Variants in PLEKHA7 observed in about 807,000 individuals in gnomAD.
PLEKHA7 encodes the protein pleckstrin homology domain containing A7, also known as pleckstrin homology domain-containing family A member 7.
In PLEKHA7, 104 loss-of-function variants were observed where a neutral mutation model predicts 170.0. That is an observed-to-expected ratio of 0.61 (90% confidence interval 0.52 to 0.72). The LOEUF (loss-of-function observed/expected upper bound fraction) is 0.72, where lower values mean the gene tolerates loss of function less well. Among genes scored for constraint, PLEKHA7 ranks in the 30% least tolerant of loss-of-function variants. The probability of loss-of-function intolerance (pLI) is 0.00; values close to 1 mark genes in which losing one functional copy is unlikely to be tolerated. For missense variants in PLEKHA7, 1,615 were observed against 1,671.7 expected (o/e 0.97, Z 0.59); for synonymous variants, 648 against 660.8 (o/e 0.98, Z 0.30).
At chr11:16,832,641 G>C (rs1351861101) in intron 9 of PLEKHA7, among the ~76,000 whole-genome samples, 1 of 152,186 alleles carries the variant, frequency 6.6e-6, no homozygotes, top group Non-Finnish European at 1.5e-5. Context: ...CAAAGACTGA[G>C]ATGGGAAGAG....
chr11:16,939,181 G>C (rs2136390055), intron 3 of PLEKHA7, among the ~76,000 whole-genome samples: 1 of 152,312 alleles, frequency 6.6e-6, no homozygotes, highest in South Asian at 2.1e-4. Flanking sequence ...GGAGGCTGAA[G>C]CAGGTAGATC....
chr11:16,833,167 G>A (rs927948317), intron 9 of PLEKHA7, among the ~76,000 whole-genome samples: 3 of 152,192 alleles, frequency 2.0e-5, no homozygotes, highest in Non-Finnish European at 4.4e-5. Context: ...TTTTCATGCT[G>A]TGCTTTGCCT....
Position 16,817,229 on chromosome 11 carries a change from G to C in PLEKHA7, c.1437C>G (p.His479Gln), listed in dbSNP as rs756287007. ...NYQTLPKSTRHPSGGSSPPPR... is the reference protein window; with the variant it reads ...NYQTLPKSTRQPSGGSSPPPR... The stretch of plus-strand genomic sequence containing the variant: ...GAGGTGGCGAGGAGCCCCCCGAGGG[G>C]TGTCGGGTGCTCTTGGGAAGAGTCT... The change falls in exon 11 of 27, where the codon CAC becomes CAG. Residue 479 changes from histidine (H) to glutamine (Q), a missense_variant. His to Gln is a conservative substitution (Grantham distance 24, BLOSUM62 0). Transcript: ENST00000531066. This position sits in a 1 kb window ranked among gnomAD's most constrained non-coding sequence, Gnocchi z 4.4. 2 of 1,614,064 alleles carry C rather than the reference G, an allele frequency of 1.2e-6. No individual in the cohort carries two copies. Among genetic ancestry groups the C allele is most frequent in the Admixed American group, 1.7e-5 (1 of 60,030 alleles).
chr11:16,884,000 TCTTTTTAGAAAAAA>T lies in PLEKHA7; in HGVS notation c.222-12832_222-12819del, dbSNP rs1565066375. Among the ~76,000 whole-genome samples the T allele has an allele frequency of 5.9e-5, 9 of 151,826 alleles. No homozygotes were observed. The South Asian group carries it at 6.2e-4, about 11-fold the overall frequency. ...ATGAACTTAAAATTTTATATATATA[TCTTTTTAGAAAAAA>T]ATTCACAAATAGAATAAAATTGTAC... is the stretch of plus-strand genomic sequence containing the variant. On this transcript the variant is annotated intron_variant, in intron 3 of 26. Transcript: ENST00000531066.
chr11:16,783,475 C>T (rs1040353943), intron 25 of PLEKHA7, among the ~76,000 whole-genome samples: 2 of 152,228 alleles, frequency 1.3e-5, no homozygotes, highest in Non-Finnish European at 2.9e-5. Flanking sequence ...CAGCCCAGGA[C>T]AAGAAGCCTC....
intron 12 of PLEKHA7, chr11:16,815,431 A>G (rs779852114): frequency 1.3e-5 from 2 of 152,440 alleles, no homozygotes; most frequent in East Asian, 1.9e-4. Context: ...CAATTCTGTC[A>G]TTAGGACAAA....
At chr11:16,873,483 T>C (rs1015650091) in intron 3 of PLEKHA7, among the ~76,000 whole-genome samples, 3 of 152,162 alleles carry the variant, frequency 2.0e-5, no homozygotes, top group African/African-American at 4.8e-5. Flanking sequence ...TCCCTGCTCC[T>C]GGTCCCAGGC....
chr11:16,914,981 A>C (rs1590602008), intron 3 of PLEKHA7, among the ~76,000 whole-genome samples: 1 of 151,506 alleles, frequency 6.6e-6, no homozygotes. Flanking sequence ...CTTATACCCC[A>C]CTCCCAGTGC....
intron 13 of PLEKHA7, among the ~76,000 whole-genome samples, chr11:16,806,453 T>A (rs182411395): frequency 6.6e-6 from 1 of 152,316 alleles, no homozygotes; most frequent in Admixed American, 6.5e-5. Context: ...TGCTCATCCA[T>A]TTGAAAGAGT....
chr11:16,783,654 C>G (rs936822060), intron 25 of PLEKHA7, 46 bp downstream of exon 25: 178 of 1,351,498 alleles, frequency 1.3e-4, no homozygotes, highest in Non-Finnish European at 1.7e-4. Flanking sequence ...GAGACGCCAC[C>G]TGGGGTCAGG....
chr11:16,999,516 T>G (rs897972442), intron 3 of PLEKHA7, among the ~76,000 whole-genome samples: 1 of 152,042 alleles, frequency 6.6e-6, no homozygotes, highest in African/African-American at 2.4e-5. Context: ...CAACCCACAC[T>G]GAGAAAACCA....
intron 3 of PLEKHA7, among the ~76,000 whole-genome samples, chr11:16,951,012 G>A (rs1032807875): frequency 6.6e-6 from 1 of 152,140 alleles, no homozygotes; most frequent in Non-Finnish European, 1.5e-5. Context: ...CAAGGGCCAG[G>A]AACCAGTCCC....
chr11:16,944,859 T>G (rs1860925575), intron 3 of PLEKHA7, among the ~76,000 whole-genome samples: 1 of 152,246 alleles, frequency 6.6e-6, no homozygotes, highest in African/African-American at 2.4e-5. Flanking sequence ...CATTATCTCA[T>G]TAATGATTGT....
At chr11:16,826,714 G>A in intron 9 of PLEKHA7, 124 bp from the exon 10 acceptor site, 1 of 854,112 alleles carries the variant, frequency 1.2e-6, no homozygotes, top group Non-Finnish European at 1.8e-6. Context: ...CGCCTTTCAT[G>A]CTCATGTCCT....
At chr11:16,885,427 G>C (rs1856012727) in intron 3 of PLEKHA7, among the ~76,000 whole-genome samples, 1 of 152,116 alleles carries the variant, frequency 6.6e-6, no homozygotes, top group Non-Finnish European at 1.5e-5. Context: ...GGGAGGCTGA[G>C]GTGGGCGGAT....
chr11:16,916,460 G>A (rs1395270074), intron 3 of PLEKHA7, among the ~76,000 whole-genome samples: 1 of 152,132 alleles, frequency 6.6e-6, no homozygotes, highest in Non-Finnish European at 1.5e-5. Flanking sequence ...GTGCTGTTGG[G>A]CCTGATTAAC....
intron 2 of PLEKHA7, 34 bp downstream of exon 2, chr11:17,014,091 G>C: frequency 6.3e-7 from 1 of 1,584,960 alleles, no homozygotes; most frequent in South Asian, 1.1e-5. Flanking sequence ...GGCCGCCGCT[G>C]CGCGCGCCCC....
Position 16,986,076 on chromosome 11 carries a change from G to A in PLEKHA7, c.221+27913C>T, listed in dbSNP as rs552758219. ...TACAAAAGCAAAGACAAAGAAGCAA[G>A]AGAGTGCTACAGCTTATGATGTTGT... On this transcript the variant is annotated intron_variant, in intron 3 of 26. Transcript: ENST00000531066. 4.9e-4 allele frequency among the ~76,000 whole-genome samples: 74 copies of A among 152,202 alleles called. 1 individual carries two copies. Among genetic ancestry groups the A allele is most frequent in the Non-Finnish European group, 9.3e-4 (63 of 68,042 alleles).
At chr11:16,785,316 G>A (rs1023672811) in intron 24 of PLEKHA7, among the ~76,000 whole-genome samples, 1 of 152,244 alleles carries the variant, frequency 6.6e-6, no homozygotes, top group Non-Finnish European at 1.5e-5. Flanking sequence ...CATCCTTCAT[G>A]TGGTGAGAAC....
Sources: gnomAD v4.1 joint callset for allele counts (sites outside exome capture counted in the v4.1 genomes callset) on GRCh38, gnomAD v4.1.1 for gene constraint, Gnocchi (gnomAD v3.1) non-coding constraint, MANE v1.5 for transcripts, NCBI Gene and HGNC (gene_info 2026-07-23, HGNC 2026-07-21) for gene names.